The following ZNF536 variants were observed in gnomAD, a reference collection of about 807,000 sequenced individuals.
The protein encoded by ZNF536 is zinc finger protein 536.
A neutral mutation model predicts 84.5 loss-of-function variants in ZNF536; 13 were observed. The observed-to-expected ratio is 0.15, with a 90% CI of 0.10 to 0.24. ZNF536 has a LOEUF of 0.24. ZNF536 is among the 10% of genes least tolerant of loss of function. The pLI is 1.00. For missense variants in ZNF536, 1,536 were observed against 1,747.5 expected, an observed-to-expected ratio of 0.88 and a Z score of 2.16; for synonymous variants, 811 against 742.5, an observed-to-expected ratio of 1.09 and a Z score of -1.50.
intron 1 of ZNF536, among the ~76,000 whole-genome samples, chr19:30,583,816 GA>G (rs376131595): frequency 1.2e-4 from 18 of 152,302 alleles, no homozygotes; most frequent in African/African-American, 4.3e-4. Context: ...ATGAACAAAT[GA>G]ATGAAGTAAA....
intron 1 of ZNF536, among the ~76,000 whole-genome samples, chr19:30,661,596 T>C (rs77833626): frequency 0.02 from 3,104 of 152,270 alleles, 106 homozygotes; most frequent in African/African-American, 0.071. Context: ...CAAAGAAAAT[T>C]ATCTGACATG....
At chr19:30,481,425 T>A (rs1442671081) in intron 2 of ZNF536, among the ~76,000 whole-genome samples, 2 of 152,308 alleles carry the variant, frequency 1.3e-5, no homozygotes, top group South Asian at 2.1e-4. Context: ...TTTGAGAGCA[T>A]CCTCATCTTT....
rs1233492792 is a variant in ZNF536 at position 30,444,702 on chromosome 19, G to T, written c.1140G>T (p.Arg380=). 6.2e-7 allele frequency: 1 copy of T among 1,613,846 alleles called. No homozygotes were observed. Among genetic ancestry groups the T allele is most frequent in the African/African-American group, 1.3e-5 (1 of 74,954 alleles). ...AGCACTGCTGCCAGATCTGCGGCCG[G>T]CGCTTCAAGGAGCCCTGGTTCCTCA... ...SFEHCCQICG[R]RFKEPWFLKN... Residue 380 remains arginine, a synonymous_variant, in exon 2 of 5, where the codon CGG becomes CGT. Coordinates refer to ENST00000355537, the MANE Select transcript of ZNF536 (RefSeq NM_014717.3).
At position 30,642,713 on chromosome 19, in the gene ZNF536, T is replaced by G. The variant is rs199633837; in HGVS notation, c.170-68044T>G. Among the ~76,000 whole-genome samples, 5 of 152,264 alleles carry G rather than the reference T, an allele frequency of 3.3e-5. No individual in the cohort carries two copies. In the East Asian group the frequency reaches 9.6e-4, roughly 29 times the overall value. On this transcript the variant is annotated intron_variant, in intron 1 of 1. Coordinates refer to the ZNF536 transcript ENST00000592773. ...ATCCCACTGAGAAAGGAGAGACTGTTGTGCTGCAGACCGGTTGTCCAGATG... is the reference window on the plus strand; with the variant it reads ...ATCCCACTGAGAAAGGAGAGACTGTGGTGCTGCAGACCGGTTGTCCAGATG...
At chr19:30,698,291 C>CA (rs765488693) in intron 1 of ZNF536, among the ~76,000 whole-genome samples, 1,505 of 121,320 alleles carry the variant, frequency 0.012, 11 homozygotes, top group Non-Finnish European at 0.017. Flanking sequence ...GACTCAGTCT[C>CA]AAAAAAAAAA....
At chr19:30,539,824 G>C (rs978342798) in intron 3 of ZNF536, among the ~76,000 whole-genome samples, 1 of 152,194 alleles carries the variant, frequency 6.6e-6, no homozygotes, top group South Asian at 2.1e-4. Context: ...CACCTCATGC[G>C]TGGCTGCGGG....
intron 1 of ZNF536, 93 bp from the exon 2 acceptor site, chr19:30,443,468 G>A (rs2148139818): frequency 6.8e-7 from 1 of 1,468,618 alleles, no homozygotes; most frequent in Admixed American, 2.6e-5. Flanking sequence ...TGTAGGTAAG[G>A]CATGAAATGG....
intron 1 of ZNF536, among the ~76,000 whole-genome samples, chr19:30,271,294 CTTTTCTTT>C (rs1306130626): frequency 1.2e-4 from 12 of 103,186 alleles, no homozygotes; most frequent in East Asian, 5.9e-4. Context: ...GTGTTTTTTT[CTTTTCTTT>C]TTTTTTTTTT....
At chr19:30,399,679 G>GT (rs71171801) in intron 1 of ZNF536, among the ~76,000 whole-genome samples, 6,797 of 112,842 alleles carry the variant, frequency 0.06, 718 homozygotes, top group African/African-American at 0.21. Context: ...AATAAGAAAT[G>GT]TTTTTTTTTT....
At chr19:30,352,733 T>G (rs990060676) in intron 3 of ZNF536, among the ~76,000 whole-genome samples, 1 of 152,018 alleles carries the variant, frequency 6.6e-6, no homozygotes, top group Non-Finnish European at 1.5e-5. Context: ...TTTGGGTGTG[T>G]TTGGGGATGG....
chr19:30,468,680 A>G (rs3786808), intron 2 of ZNF536, among the ~76,000 whole-genome samples: 1 of 151,532 alleles, frequency 6.6e-6, no homozygotes, highest in African/African-American at 2.4e-5. Context: ...AGGGATGGAG[A>G]TATGGTCTTG....
At chr19:30,489,346 G>A (rs904488000) in intron 2 of ZNF536, among the ~76,000 whole-genome samples, 3 of 152,170 alleles carry the variant, frequency 2.0e-5, no homozygotes, top group African/African-American at 7.2e-5. Context: ...TTGGGAGGCC[G>A]AGGAGGGAGG....
At chr19:30,275,010 C>A (rs974142420) in intron 1 of ZNF536, among the ~76,000 whole-genome samples, 3 of 152,208 alleles carry the variant, frequency 2.0e-5, no homozygotes, top group African/African-American at 7.2e-5. Context: ...ATCATTCCAT[C>A]TCTGGCGGCC....
chr19:30,669,368 C>T (rs1008511415), intron 1 of ZNF536, among the ~76,000 whole-genome samples: 17 of 152,334 alleles, frequency 1.1e-4, no homozygotes, highest in African/African-American at 3.8e-4. Flanking sequence ...CCTGTGCCTG[C>T]GGGAGGGGCG....
intron 2 of ZNF536, among the ~76,000 whole-genome samples, chr19:30,529,579 T>G (rs929168106): frequency 2.6e-5 from 4 of 152,170 alleles, no homozygotes; most frequent in African/African-American, 9.7e-5. Flanking sequence ...GAGGCCAACC[T>G]TGCTATAGAC....
At chr19:30,651,137 A>G (rs2049685813) in intron 1 of ZNF536, among the ~76,000 whole-genome samples, 1 of 152,148 alleles carries the variant, frequency 6.6e-6, no homozygotes, top group African/African-American at 2.4e-5. Context: ...GGGAGTTGGC[A>G]GGTAGGGGAG....
chr19:30,346,722 C>T (rs1568348220), intron 2 of ZNF536, among the ~76,000 whole-genome samples: 1 of 152,186 alleles, frequency 6.6e-6, no homozygotes, highest in Non-Finnish European at 1.5e-5. Flanking sequence ...GTATGTACCA[C>T]ATTTTCTTTA....
chr19:30,595,312 G>C (rs1334760566), intron 1 of ZNF536, among the ~76,000 whole-genome samples: 1 of 152,042 alleles, frequency 6.6e-6, no homozygotes. Context: ...TTAAGAGATA[G>C]AGTCTCTCTC....
chr19:30,405,928 C>T (rs2050245127), intron 1 of ZNF536, among the ~76,000 whole-genome samples: 1 of 152,130 alleles, frequency 6.6e-6, no homozygotes, highest in Non-Finnish European at 1.5e-5. Flanking sequence ...CAGGCACCCG[C>T]CAACACACCC....
Sources: gnomAD v4.1 joint callset for allele counts (sites outside exome capture counted in the v4.1 genomes callset) on GRCh38, gnomAD v4.1.1 for gene constraint, MANE v1.5 for transcripts, NCBI Gene and HGNC (gene_info 2026-07-23, HGNC 2026-07-21) for gene names.